LRBA: variants seen among roughly 807,000 people sequenced by gnomAD.
LRBA encodes the protein LPS responsive beige-like anchor protein, also known as lipopolysaccharide-responsive and beige-like anchor protein.
A neutral mutation model predicts 330.0 loss-of-function variants in LRBA; 176 were observed. The observed-to-expected ratio is 0.53, with a 90% CI of 0.47 to 0.60. The LOEUF is 0.60. Ranked by LOEUF, LRBA falls within the 20% of genes least tolerant of loss-of-function variation. The pLI is 0.00. For synonymous variants in LRBA, 1,230 were observed against 1,193.0 expected, an observed-to-expected ratio of 1.03 and a Z score of -0.64; for missense variants, 3,259 against 3,444.8, an observed-to-expected ratio of 0.95 and a Z score of 1.35.
intron 2 of LRBA, 152 bp downstream of exon 2, chr4:151,014,275 G>T (rs1251369037): frequency 1.3e-5 from 8 of 601,828 alleles, no homozygotes; most frequent in Non-Finnish European, 1.2e-5. Flanking sequence ...AAAAACAGAT[G>T]AAATTGTTTC....
intron 40 of LRBA, among the ~76,000 whole-genome samples, chr4:150,564,472 C>T (rs1313020775): frequency 2.0e-5 from 3 of 152,138 alleles, no homozygotes; most frequent in Admixed American, 6.6e-5. Flanking sequence ...AGGACACAGG[C>T]ATGGGCAAGG....
At chr4:150,471,002 T>C in intron 43 of LRBA, among the ~76,000 whole-genome samples, 1 of 152,122 alleles carries the variant, frequency 6.6e-6, no homozygotes, top group Non-Finnish European at 1.5e-5. Context: ...GCTCAAAAAC[T>C]TTCAAAAGTT....
intron 2 of LRBA, among the ~76,000 whole-genome samples, chr4:150,940,007 A>G (rs1735496759): frequency 6.6e-6 from 1 of 152,152 alleles, no homozygotes; most frequent in Non-Finnish European, 1.5e-5. Context: ...TAGGTTTGTG[A>G]TTGGTACTCA....
intron 36 of LRBA, among the ~76,000 whole-genome samples, chr4:150,720,282 A>G (rs560160300): frequency 6.6e-6 from 1 of 152,252 alleles, no homozygotes; most frequent in Non-Finnish European, 1.5e-5. Context: ...AAACGTTAAT[A>G]TAGAAAAGAC....
intron 40 of LRBA, among the ~76,000 whole-genome samples, chr4:150,524,987 G>A (rs1763301461): frequency 6.6e-6 from 1 of 152,102 alleles, no homozygotes; most frequent in Admixed American, 6.6e-5. Flanking sequence ...TAAGTAAAGA[G>A]TGACCTATAT....
chr4:150,395,610 G>A (rs555673705), intron 47 of LRBA, among the ~76,000 whole-genome samples: 78 of 152,094 alleles, frequency 5.1e-4, no homozygotes, highest in African/African-American at 1.8e-3. Flanking sequence ...CTTTTTAGCA[G>A]TTCCTGGCTG....
Position 150,577,200 on chromosome 4 carries a change from C to T in LRBA, c.6330+10848G>A, listed in dbSNP as rs181102599. Among the ~76,000 whole-genome samples the T allele has an allele frequency of 4.6e-5, 7 of 151,968 alleles. No homozygotes were observed. In the East Asian group the frequency reaches 9.7e-4, roughly 21 times the overall value. ...GTTTTACTGTGACTTATAATGTGGA[C>T]AGTATAATCTTGATGACTGTCATTA... On this transcript the variant is annotated intron_variant, in intron 40 of 56. Coordinates refer to ENST00000651943, the MANE Select transcript of LRBA (RefSeq NM_001364905.1).
chr4:150,512,632 G>A (rs1264970331), intron 40 of LRBA, among the ~76,000 whole-genome samples: 1 of 148,882 alleles, frequency 6.7e-6, no homozygotes, highest in Admixed American at 6.8e-5. Context: ...CTCCAGAACT[G>A]TGAGAAATAA....
At chr4:150,501,281 T>C (rs1227206863) in intron 40 of LRBA, among the ~76,000 whole-genome samples, 1 of 152,144 alleles carries the variant, frequency 6.6e-6, no homozygotes, top group African/African-American at 2.4e-5. Flanking sequence ...CTGAAGAGAC[T>C]GACTGATGGA....
Position 150,960,398 on chromosome 4 carries a change from C to T in LRBA, c.217-31333G>A, listed in dbSNP as rs551160276. On this transcript the variant is annotated intron_variant, in intron 2 of 56. Transcript: ENST00000651943. ...CCATGAATATGCACTTAACAAAATC[C>T]AGACCATGGGAAATGCTAAATGTCA... 1.7e-4 allele frequency among the ~76,000 whole-genome samples: 26 copies of T among 148,940 alleles called. 1 individual carries two copies. The highest frequency in any genetic ancestry group is 6.5e-4 in the African/African-American group (25 of 38,442).
intron 31 of LRBA, among the ~76,000 whole-genome samples, chr4:150,811,295 A>G (rs979385184): frequency 1.3e-5 from 2 of 152,124 alleles, no homozygotes; most frequent in Non-Finnish European, 2.9e-5. Flanking sequence ...CATTTTCTCT[A>G]TTAGGATTAT....
chr4:150,717,090 T>C (rs1210345251), intron 36 of LRBA, among the ~76,000 whole-genome samples: 1 of 152,194 alleles, frequency 6.6e-6, no homozygotes, highest in Non-Finnish European at 1.5e-5. Context: ...CTACCCTGGT[T>C]CAAGTCCAAG....
chr4:150,401,291 GCAGTTTGTGGGA>G (rs1449121831), intron 47 of LRBA, among the ~76,000 whole-genome samples: 2 of 152,218 alleles, frequency 1.3e-5, no homozygotes, highest in Non-Finnish European at 2.9e-5. Flanking sequence ...TTTAAGCCAT[GCAGTTTGTGGGA>G]CAGTAATTAT....
chr4:150,746,838 CGGTGCCCTTCACTGG>C (rs1732803723), intron 35 of LRBA, among the ~76,000 whole-genome samples: 1 of 151,994 alleles, frequency 6.6e-6, no homozygotes, highest in Non-Finnish European at 1.5e-5. Flanking sequence ...TAACCTTTTC[CGGTGCCCTTCACTGG>C]AAACTCACTG....
chr4:150,466,011 TAAAGA>T (rs899938043), intron 44 of LRBA, among the ~76,000 whole-genome samples: 2 of 151,878 alleles, frequency 1.3e-5, no homozygotes, highest in Non-Finnish European at 1.5e-5. Context: ...AATTTCTAGA[TAAAGA>T]AAAGAGCCAA....
intron 30 of LRBA, among the ~76,000 whole-genome samples, chr4:150,818,956 A>G (rs1381003977): frequency 6.6e-6 from 1 of 152,098 alleles, no homozygotes; most frequent in African/African-American, 2.4e-5. Flanking sequence ...TGTATACAGT[A>G]ATGGTCATAC....
chr4:150,944,994 C>T lies in LRBA; in HGVS notation c.217-15929G>A, dbSNP rs188240776. Among the ~76,000 whole-genome samples, 56 of 152,298 alleles carry T rather than the reference C, an allele frequency of 3.7e-4. 1 individual carries two copies. The East Asian group carries it at 8.7e-3, about 24-fold the overall frequency. The stretch of plus-strand genomic sequence containing the variant: ...TTTGTTCCTCCTTCGCCTTCCACTA[C>T]GACTGTGGGGCCTCCCCAGCAATGT... On this transcript the variant is annotated intron_variant, in intron 2 of 56. Transcript: ENST00000651943.
intron 42 of LRBA, among the ~76,000 whole-genome samples, chr4:150,484,952 A>C (rs527802881): frequency 6.6e-6 from 1 of 152,074 alleles, no homozygotes; most frequent in South Asian, 2.1e-4. Context: ...GAGATTTTCC[A>C]AAAACCTTTC....
intron 45 of LRBA, among the ~76,000 whole-genome samples, chr4:150,436,175 T>C (rs1343304247): frequency 6.6e-6 from 1 of 152,190 alleles, no homozygotes; most frequent in Non-Finnish European, 1.5e-5. Context: ...CTAAGCACTA[T>C]AAATTACTTC....
Sources: gnomAD v4.1 joint callset for allele counts (sites outside exome capture counted in the v4.1 genomes callset) on GRCh38, gnomAD v4.1.1 for gene constraint, MANE v1.5 for transcripts, NCBI Gene and HGNC (gene_info 2026-07-23, HGNC 2026-07-21) for gene names.